HDAC9: variants seen among roughly 807,000 people sequenced by gnomAD.
HDAC9 encodes MEF-2 interacting transcription repressor (MITR) protein.
Under a neutral mutation model 139.4 loss-of-function variants are expected in HDAC9, and 41 were observed. The ratio of observed to expected loss-of-function variants is 0.29; its 90% CI spans 0.23 to 0.38. The LOEUF (loss-of-function observed/expected upper bound fraction) is 0.38. Ranked by LOEUF, HDAC9 falls within the 10% of genes least tolerant of loss-of-function variation. The pLI is 1.00. For missense variants in HDAC9, 1,147 were observed against 1,297.0 expected (o/e 0.88, Z 1.78); for synonymous variants, 517 against 476.2 (o/e 1.09, Z -1.12).
intron 2 of HDAC9, among the ~76,000 whole-genome samples, chr7:18,241,752 A>G (rs535669946): frequency 1.3e-5 from 2 of 152,246 alleles, no homozygotes; most frequent in South Asian, 2.1e-4. Context: ...GGTTATACAT[A>G]TGGTGGGATG....
At chr7:18,449,077 A>C (rs895885629) in intron 1 of HDAC9, among the ~76,000 whole-genome samples, 5 of 152,156 alleles carry the variant, frequency 3.3e-5, no homozygotes, top group Non-Finnish European at 7.4e-5. Context: ...ATAATAAGTA[A>C]GTCTGAACGT....
intron 21 of HDAC9, among the ~76,000 whole-genome samples, chr7:18,844,786 C>T (rs1585141001): frequency 6.6e-6 from 1 of 152,140 alleles, no homozygotes; most frequent in African/African-American, 2.4e-5. Context: ...GGTTTCTTAT[C>T]CTTCTGTACT....
intron 2 of HDAC9, among the ~76,000 whole-genome samples, chr7:18,210,023 T>TA (rs1169573080): frequency 1.3e-5 from 2 of 152,128 alleles, no homozygotes; most frequent in African/African-American, 4.8e-5. Flanking sequence ...TTTTTTTTTT[T>TA]TTAACACTGA....
chr7:18,167,309 A>AT (rs1280479175), intron 2 of HDAC9, among the ~76,000 whole-genome samples: 1 of 152,086 alleles, frequency 6.6e-6, no homozygotes, highest in Non-Finnish European at 1.5e-5. Context: ...CAAATGAAGC[A>AT]TTTTATTCAT....
chr7:18,814,861 T>C (rs1481889461), intron 17 of HDAC9, among the ~76,000 whole-genome samples: 1 of 152,182 alleles, frequency 6.6e-6, no homozygotes, highest in African/African-American at 2.4e-5. Flanking sequence ...CCAAAGAACC[T>C]AGACATTTTG....
At chr7:18,336,057 A>G (rs1420308077) in intron 1 of HDAC9, among the ~76,000 whole-genome samples, 1 of 151,662 alleles carries the variant, frequency 6.6e-6, no homozygotes, top group Non-Finnish European at 1.5e-5. Context: ...AAGAAAATTA[A>G]GAATTTACCT....
chr7:18,747,451 G>A (rs746907989), intron 13 of HDAC9, among the ~76,000 whole-genome samples: 1 of 152,156 alleles, frequency 6.6e-6, no homozygotes, highest in Non-Finnish European at 1.5e-5. Context: ...GAGGGGGAGC[G>A]TCAAGGGGAC....
At chr7:18,158,278 G>A (rs1415398940) in intron 1 of HDAC9, among the ~76,000 whole-genome samples, 1 of 152,176 alleles carries the variant, frequency 6.6e-6, no homozygotes, top group African/African-American at 2.4e-5. Context: ...AGTCAAATTT[G>A]AAAGCTTCTG....
intron 12 of HDAC9, among the ~76,000 whole-genome samples, chr7:18,704,685 C>T (rs1345634967): frequency 6.6e-6 from 1 of 152,166 alleles, no homozygotes; most frequent in African/African-American, 2.4e-5. Context: ...ATTTCAGTAG[C>T]TGATGAAAAA....
chr7:18,718,536 G>A (rs893954375), intron 12 of HDAC9, among the ~76,000 whole-genome samples: 2 of 152,116 alleles, frequency 1.3e-5, no homozygotes, highest in African/African-American at 2.4e-5. Context: ...CCTGGCAGGT[G>A]TGTGGTCTTT....
chr7:18,667,661 A>G (rs1353624735), intron 12 of HDAC9: 2 of 985,162 alleles, frequency 2.0e-6, no homozygotes, highest in Non-Finnish European at 2.4e-6. Flanking sequence ...CCTTGTGGAA[A>G]CAGGAAGTCC....
chr7:18,237,068 C>A (rs191416244), intron 2 of HDAC9, among the ~76,000 whole-genome samples: 3 of 152,324 alleles, frequency 2.0e-5, no homozygotes, highest in Admixed American at 2.0e-4. Context: ...AAGACCTCCA[C>A]TGGGTGTTTT....
At chr7:18,630,833 G>A (rs1429810785) in intron 7 of HDAC9, among the ~76,000 whole-genome samples, 1 of 152,014 alleles carries the variant, frequency 6.6e-6, no homozygotes, top group Non-Finnish European at 1.5e-5. Context: ...GGGCAGTTGA[G>A]GAGTGAATTT....
At chr7:18,629,718 G>A (rs1781760318) in intron 7 of HDAC9, among the ~76,000 whole-genome samples, 1 of 152,070 alleles carries the variant, frequency 6.6e-6, no homozygotes, top group Non-Finnish European at 1.5e-5. Context: ...CATAACTAGG[G>A]AACACCAAAG....
intron 16 of HDAC9, among the ~76,000 whole-genome samples, chr7:18,789,158 A>T (rs1369851921): frequency 6.6e-6 from 1 of 152,048 alleles, no homozygotes; most frequent in Non-Finnish European, 1.5e-5. Context: ...CAAAATCTGT[A>T]TTTTTATGTA....
rs142243436 is a variant in HDAC9 at position 18,773,300 on chromosome 7, C to G, written c.2214+6145C>G. Among the ~76,000 whole-genome samples the G allele has an allele frequency of 2.9e-3, 438 of 150,850 alleles. 1 individual carries two copies. Among genetic ancestry groups the G allele is most frequent in the South Asian group, 4.0e-3 (19 of 4,734 alleles). On this transcript the variant is annotated intron_variant, in intron 16 of 25. Coordinates refer to ENST00000686413, the MANE Select transcript of HDAC9 (RefSeq NM_178425.4). ...GAGATGGCTAAAAAAATGCCATCATCAAAGCTTTATTTGTGTTTTTTACAT... is the reference window on the plus strand; with the variant it reads ...GAGATGGCTAAAAAAATGCCATCATGAAAGCTTTATTTGTGTTTTTTACAT...
At chr7:18,528,080 C>G (rs370195829) in intron 2 of HDAC9, among the ~76,000 whole-genome samples, 21 of 151,826 alleles carry the variant, frequency 1.4e-4, no homozygotes, top group Non-Finnish European at 3.1e-4. Flanking sequence ...CACTTGAACT[C>G]AAGTTCAAGT....
intron 2 of HDAC9, among the ~76,000 whole-genome samples, chr7:18,543,898 A>G (rs994244751): frequency 1.3e-5 from 2 of 151,988 alleles, no homozygotes; most frequent in Non-Finnish European, 2.9e-5. Context: ...AAAAAAAAAA[A>G]AAAAGAAAAG....
intron 2 of HDAC9, among the ~76,000 whole-genome samples, chr7:18,201,921 G>A (rs1220758474): frequency 6.6e-6 from 1 of 152,200 alleles, no homozygotes; most frequent in Non-Finnish European, 1.5e-5. Flanking sequence ...GGTAATGAGA[G>A]ATGGCACCAT....
Sources: gnomAD v4.1 joint callset for allele counts (sites outside exome capture counted in the v4.1 genomes callset) on GRCh38, gnomAD v4.1.1 for gene constraint, MANE v1.5 for transcripts, NCBI Gene and HGNC (gene_info 2026-07-23, HGNC 2026-07-21) for gene names.